UGP2: variants seen among roughly 807,000 people sequenced by gnomAD.
UGP2 encodes UTP--glucose-1-phosphate uridylyltransferase.
In UGP2, 40 loss-of-function variants were observed where a neutral mutation model predicts 49.0. That is an observed-to-expected ratio of 0.82 (90% CI 0.63 to 1.06). UGP2 has a LOEUF of 1.06. Among genes scored for constraint, UGP2 ranks in the 50% least tolerant of loss-of-function variants. UGP2 has a pLI of 0.00. For synonymous variants in UGP2, 225 were observed against 213.0 expected (o/e 1.06, Z -0.49); for missense variants, 460 against 603.5 (o/e 0.76, Z 2.49).
chr2:63,849,699 A>C (rs1668914502), intron 1 of UGP2, among the ~76,000 whole-genome samples: 1 of 152,200 alleles, frequency 6.6e-6, no homozygotes, highest in Non-Finnish European at 1.5e-5. Context: ...AAACCATGTA[A>C]ATACACTGTA....
chr2:63,863,885 G>A (rs1018334075), intron 3 of UGP2, among the ~76,000 whole-genome samples: 17 of 152,186 alleles, frequency 1.1e-4, no homozygotes, highest in Non-Finnish European at 4.4e-5. Flanking sequence ...AGAAGTAGAA[G>A]TAGGCCATTA....
At chr2:63,843,233 G>C (rs908661304) in intron 1 of UGP2, among the ~76,000 whole-genome samples, 1 of 152,220 alleles carries the variant, frequency 6.6e-6, no homozygotes, top group Non-Finnish European at 1.5e-5. Context: ...TAAAGTAAGA[G>C]AATTCGACTG....
chr2:63,890,291 G>T (rs561846564), intron 9 of UGP2, 106 bp downstream of exon 9: 155,196 of 744,434 alleles, frequency 0.21, 19,168 homozygotes, highest in Non-Finnish European at 0.24. Context: ...TAGTCTTAGT[G>T]CCACCTTAAT....
intron 6 of UGP2, 56 bp from the exon 7 acceptor site, chr2:63,886,285 C>T (rs1671665731): frequency 5.2e-6 from 8 of 1,535,826 alleles, no homozygotes; most frequent in South Asian, 4.6e-5. Context: ...TTTGTATTTA[C>T]AAAAAAATGC....
At chr2:63,844,241 T>C (rs1575794818) in intron 1 of UGP2, among the ~76,000 whole-genome samples, 2 of 152,332 alleles carry the variant, frequency 1.3e-5, no homozygotes, top group South Asian at 4.1e-4. Flanking sequence ...ATAAACCTAA[T>C]TGGCAAATGA....
In UGP2 at chr2:63,887,458, CAA is replaced by C. The variant is rs1303922711; in HGVS notation, c.1131_1132del (p.Ser378PhefsTer2). The C allele has an allele frequency of 6.2e-7, 1 of 1,613,818 alleles. No homozygotes were observed. Among genetic ancestry groups the C allele is most frequent in the African/African-American group, 1.3e-5 (1 of 74,842 alleles). ...TAGAAACTGCAGTAGGGGCTGCCAT[CAA>C]AAGTTTTGAGAATTCTCTAGGTATT... ...QLETAVGAAI[K>X]SFENSLGINV... On this transcript the variant is annotated frameshift_variant, in exon 8 of 10. Transcript: ENST00000337130. LOFTEE classifies it high-confidence loss of function.
chr2:63,872,712 C>T (rs577684015), intron 3 of UGP2, among the ~76,000 whole-genome samples: 10 of 151,288 alleles, frequency 6.6e-5, no homozygotes, highest in Non-Finnish European at 5.9e-5. Flanking sequence ...GAAACAGCAA[C>T]TACATAATTT....
chr2:63,850,578 A>G (rs1337885888), intron 1 of UGP2, among the ~76,000 whole-genome samples: 2 of 152,244 alleles, frequency 1.3e-5, no homozygotes, highest in African/African-American at 4.8e-5. Context: ...GTTAGTGAAA[A>G]CATTACATTG....
In UGP2 at chr2:63,875,126, T is replaced by A. The variant is rs147211118; in HGVS notation, c.256-7340T>A. On this transcript the variant is annotated intron_variant, in intron 3 of 9. Coordinates refer to ENST00000337130, the MANE Select transcript of UGP2 (RefSeq NM_006759.4). Reference sequence around the variant, plus strand: ...TTAGAAATGTGAAATAGACAATACATGAAAGTGACTAGCACAGAATTTGGC... The same window carrying A: ...TTAGAAATGTGAAATAGACAATACAAGAAAGTGACTAGCACAGAATTTGGC... Among the ~76,000 whole-genome samples the A allele has an allele frequency of 3.4e-3, 525 of 152,314 alleles. 4 individuals are homozygous for A. Among genetic ancestry groups the A allele is most frequent in the African/African-American group, 0.012 (491 of 41,574 alleles).
In UGP2 at chr2:63,891,296, A is replaced by G. The variant is rs1303509673; in HGVS notation, c.*69A>G. 2 of 1,350,208 alleles carry G rather than the reference A, an allele frequency of 1.5e-6. No individual in the cohort carries two copies. The highest frequency in any genetic ancestry group is 1.8e-5 in the Admixed American group (1 of 54,652). 83.6% of individuals were successfully genotyped at this position (1,350,208 alleles called of 1,614,324 possible). ...ACAATGAAATGTTCTCTAGGATTCT[A>G]AAATAGGCAGGTACTTTACTATGTT... On this transcript the variant is annotated 3_prime_UTR_variant, in exon 10 of 10. Transcript: ENST00000337130.
At chr2:63,883,573 C>A (rs1212903482) in intron 4 of UGP2, among the ~76,000 whole-genome samples, 1 of 152,090 alleles carries the variant, frequency 6.6e-6, no homozygotes, top group African/African-American at 2.4e-5. Flanking sequence ...AGAGTAAATG[C>A]GTAATCAGCA....
chr2:63,891,193 T>A lies in UGP2; in HGVS notation c.1493T>A (p.Ile498Asn). ...IPPGAVLENK[I>N]VSGNLRILDH ...CCTGGAGCAGTATTAGAGAACAAGA[T>A]TGTGTCTGGAAACCTTCGCATCTTG... Residue 498 changes from isoleucine (I) to asparagine (N), a missense_variant, in exon 10 of 10, where the codon ATT (isoleucine) becomes AAT (asparagine). By Grantham distance (149) the Ile-to-Asn change is moderately radical. This residue lies in a region of UGP2 where 317 missense variants were observed against 473.0 expected (regional missense o/e 0.67). Coordinates refer to ENST00000337130, the MANE Select transcript of UGP2 (RefSeq NM_006759.4). 6.2e-7 allele frequency: 1 copy of A among 1,613,800 alleles called. No homozygotes were observed. Among genetic ancestry groups the A allele is most frequent in the Non-Finnish European group, 8.5e-7 (1 of 1,179,870 alleles).
intron 3 of UGP2, among the ~76,000 whole-genome samples, chr2:63,870,894 G>A (rs1304053822): frequency 6.6e-6 from 1 of 152,150 alleles, no homozygotes; most frequent in African/African-American, 2.4e-5. Flanking sequence ...GCCAAGAGCT[G>A]CACCAGATTC....
intron 3 of UGP2, among the ~76,000 whole-genome samples, chr2:63,863,547 A>C (rs1303388821): frequency 6.6e-6 from 1 of 152,232 alleles, no homozygotes; most frequent in African/African-American, 2.4e-5. Flanking sequence ...AAAATGCTGT[A>C]AGTAGGTTAA....
At chr2:63,871,452 AT>A (rs1185962360) in intron 3 of UGP2, among the ~76,000 whole-genome samples, 2 of 152,060 alleles carry the variant, frequency 1.3e-5, no homozygotes, top group Non-Finnish European at 2.9e-5. Flanking sequence ...TGTCTGGCTA[AT>A]TTTTGTACTT....
chr2:63,865,823 C>T (rs945501629), intron 3 of UGP2, among the ~76,000 whole-genome samples: 1 of 152,058 alleles, frequency 6.6e-6, no homozygotes, highest in African/African-American at 2.4e-5. Context: ...GTGTGAGTGA[C>T]CTCACCTGGC....
intron 8 of UGP2, 174 bp from the exon 9 acceptor site, chr2:63,889,907 C>G (rs189542105): frequency 1.8e-6 from 1 of 553,546 alleles, no homozygotes; most frequent in Admixed American, 3.7e-5. Context: ...CCTGGTCTTT[C>G]CTGCACGGCA....
At chr2:63,865,112 A>G (rs1385534891) in intron 3 of UGP2, among the ~76,000 whole-genome samples, 2 of 152,184 alleles carry the variant, frequency 1.3e-5, no homozygotes, top group African/African-American at 2.4e-5. Flanking sequence ...TCCTTTATTC[A>G]TTACATTTAT....
chr2:63,873,960 A>G lies in UGP2; in HGVS notation c.256-8506A>G, dbSNP rs544344686. Among the ~76,000 whole-genome samples the G allele has an allele frequency of 4.6e-5, 7 of 152,318 alleles. No individual in the cohort carries two copies. In the South Asian group the frequency reaches 1.5e-3, roughly 32 times the overall value. On this transcript the variant is annotated intron_variant, in intron 3 of 9. Transcript: ENST00000337130. ...TGTCCAGATGGCCACCAGAATGAAC[A>G]CTATTCATCATGCCTCTAGTCCAAA...
Sources: gnomAD v4.1 joint callset for allele counts (sites outside exome capture counted in the v4.1 genomes callset) on GRCh38, gnomAD v4.1.1 for gene constraint, gnomAD v4.1.1 regional missense constraint, MANE v1.5 for transcripts, NCBI Gene and HGNC (gene_info 2026-07-23, HGNC 2026-07-21) for gene names.